Variants in CRTAC1 observed in about 807,000 individuals in gnomAD.
CRTAC1 encodes acidic secreted protein in cartilage.
A neutral mutation model predicts 67.8 loss-of-function variants in CRTAC1; 37 were observed. That is an observed-to-expected ratio of 0.55 (90% CI 0.42 to 0.72). The LOEUF is 0.72. Among genes scored for constraint, CRTAC1 ranks in the 30% least tolerant of loss-of-function variants. The pLI is 0.00. For missense variants in CRTAC1, 780 were observed against 931.6 expected, an observed-to-expected ratio of 0.84 and a Z score of 2.12; for synonymous variants, 348 against 371.0, an observed-to-expected ratio of 0.94 and a Z score of 0.71.
rs140286168 is a variant in CRTAC1, at chr10:97,968,623, T to C, written c.225-32257A>G. On this transcript the variant is annotated intron_variant, in intron 2 of 14. Transcript: ENST00000370597. ...CAGAGTCTGAGAAGGAAATAAGGAATTGACTGTCCTGAACACACAGCAAGG... is the reference window on the plus strand; with the variant it reads ...CAGAGTCTGAGAAGGAAATAAGGAACTGACTGTCCTGAACACACAGCAAGG... Among the ~76,000 whole-genome samples the C allele has an allele frequency of 8.2e-4, 125 of 152,252 alleles. 1 individual carries two copies. The highest frequency in any genetic ancestry group is 3.0e-3 in the African/African-American group (123 of 41,550).
At position 97,895,767 on chromosome 10, in the gene CRTAC1, G is replaced by T. The variant is rs947828063; in HGVS notation, c.1317+118C>A. 2 of 794,350 alleles carry T rather than the reference G, an allele frequency of 2.5e-6. No homozygotes were observed. The highest frequency in any genetic ancestry group is 1.8e-5 in the South Asian group (1 of 55,668). 49.2% of individuals were successfully genotyped at this position (794,350 alleles called of 1,614,324 possible). A position where few individuals can be genotyped will look rare whatever the true frequency, so the allele number is the denominator to read the frequency against. On this transcript the variant is annotated intron_variant, in intron 10 of 14. Coordinates refer to ENST00000370597, the MANE Select transcript of CRTAC1 (RefSeq NM_018058.7). This position sits in a 1 kb window ranked among gnomAD's most constrained non-coding sequence, Gnocchi z 4.2. ...ATTTACTTCCCTCCTCCAGGGCCCG[G>T]GACTTCCATTACCCACCATGCTGGC...
chr10:97,895,496 G>T lies in CRTAC1; in HGVS notation c.1318-83C>A. 1.6e-6 allele frequency: 2 copies of T among 1,237,116 alleles called. No homozygotes were observed. Among genetic ancestry groups the T allele is most frequent in the Non-Finnish European group, 1.1e-6 (1 of 892,532 alleles). The allele number at this position is 1,237,116 out of a possible 1,614,324, so 76.6% of individuals were successfully genotyped here. On this transcript the variant is annotated intron_variant, in intron 10 of 14. Transcript: ENST00000370597. The surrounding 1 kb of genome is among the most constrained non-coding windows in gnomAD (Gnocchi z 4.2). ...GCAGGGAGCCAGGGAGGACGGGAGGGGGAGAGGGAGAAGAAGGAGGAAGAG... is the reference window on the plus strand; with the variant it reads ...GCAGGGAGCCAGGGAGGACGGGAGGTGGAGAGGGAGAAGAAGGAGGAAGAG...
At chr10:98,008,593 T>C (rs1231255683) in intron 2 of CRTAC1, among the ~76,000 whole-genome samples, 3 of 152,086 alleles carry the variant, frequency 2.0e-5, no homozygotes, top group Admixed American at 6.6e-5. Flanking sequence ...GGAGAGGCTT[T>C]CCATGCTCTG....
At chr10:98,018,826 C>T (rs888414378) in intron 1 of CRTAC1, among the ~76,000 whole-genome samples, 2 of 152,240 alleles carry the variant, frequency 1.3e-5, no homozygotes, top group African/African-American at 4.8e-5. Flanking sequence ...AACACTGCCC[C>T]ACACAGGCTG....
intron 2 of CRTAC1, among the ~76,000 whole-genome samples, chr10:98,005,157 T>C (rs3920609): frequency 7.6e-6 from 1 of 131,184 alleles, no homozygotes; most frequent in African/African-American, 2.9e-5. Context: ...CAGGCTGAGG[T>C]GCAATGGCAT....
intron 2 of CRTAC1, among the ~76,000 whole-genome samples, chr10:97,966,235 G>A (rs1181275814): frequency 1.3e-5 from 2 of 152,098 alleles, no homozygotes; most frequent in African/African-American, 2.4e-5. Flanking sequence ...GCCACTATAC[G>A]TGGCTAATTA....
intron 13 of CRTAC1, 29 bp from the exon 14 acceptor site, chr10:97,880,421 G>T (rs1564874673): frequency 1.2e-6 from 2 of 1,606,268 alleles, no homozygotes; most frequent in South Asian, 2.2e-5. Flanking sequence ...CACTCACCAT[G>T]AAGGTGTGGG....
At chr10:97,907,839 G>C (rs1203551871) in intron 6 of CRTAC1, among the ~76,000 whole-genome samples, 174 bp downstream of exon 6, 6 of 152,156 alleles carry the variant, frequency 3.9e-5, no homozygotes, top group Admixed American at 3.9e-4. Flanking sequence ...GGAGCCAAGG[G>C]AGCTAAGGAA....
At chr10:97,923,170 G>C in intron 4 of CRTAC1, 94 bp downstream of exon 4, 1 of 1,466,552 alleles carries the variant, frequency 6.8e-7, no homozygotes, top group Non-Finnish European at 9.4e-7. Context: ...GACACCGCGG[G>C]AGACGCCACT....
At chr10:97,896,554 T>G (rs1476042740) in intron 9 of CRTAC1, among the ~76,000 whole-genome samples, 3 of 152,242 alleles carry the variant, frequency 2.0e-5, no homozygotes, top group South Asian at 2.1e-4. Flanking sequence ...AGGGGTCAGA[T>G]GGCAAGATCC....
intron 13 of CRTAC1, among the ~76,000 whole-genome samples, chr10:97,881,976 G>A (rs752318332): frequency 6.6e-6 from 1 of 152,198 alleles, no homozygotes; most frequent in Middle Eastern, 3.4e-3. Flanking sequence ...CCCCCATCTG[G>A]GCCCTGATCA....
At chr10:97,879,715 G>C in intron 14 of CRTAC1, 10 of 1,550,590 alleles carry the variant, frequency 6.4e-6, no homozygotes, top group Non-Finnish European at 8.7e-6. Flanking sequence ...CAAAGTCCAA[G>C]GCCTAGAGAA....
chr10:98,030,503 C>T lies in CRTAC1; in HGVS notation c.-31G>A. 8.0e-7 allele frequency: 1 copy of T among 1,243,290 alleles called. No homozygotes were observed. Among genetic ancestry groups the T allele is most frequent in the East Asian group, 3.2e-5 (1 of 31,586 alleles). The allele number at this position is 1,243,290 out of a possible 1,614,324, so 77.0% of individuals were successfully genotyped here. A position where few individuals can be genotyped will look rare whatever the true frequency, so the allele number is the denominator to read the frequency against. On this transcript the variant is annotated 5_prime_UTR_variant, in exon 1 of 15. Coordinates refer to ENST00000370597, the MANE Select transcript of CRTAC1 (RefSeq NM_018058.7). The surrounding 1 kb of genome is among the most constrained non-coding windows in gnomAD (Gnocchi z 4.2). ...CGCTCTCGGCCCCGCCGCCTAGGGGCGTGGGAAGCGGGCGCTCGCTGCCGC... is the reference window on the plus strand; with the variant it reads ...CGCTCTCGGCCCCGCCGCCTAGGGGTGTGGGAAGCGGGCGCTCGCTGCCGC...
intron 1 of CRTAC1, among the ~76,000 whole-genome samples, chr10:98,025,817 ATCCT>A (rs897339794): frequency 2.6e-5 from 4 of 152,202 alleles, no homozygotes; most frequent in Non-Finnish European, 5.9e-5. Context: ...CAGCAGAAAG[ATCCT>A]TCCTTAGGAA....
intron 1 of CRTAC1, among the ~76,000 whole-genome samples, chr10:98,023,433 C>T (rs1843162114): frequency 1.3e-5 from 2 of 152,234 alleles, no homozygotes; most frequent in African/African-American, 2.4e-5. Flanking sequence ...CTGAGCCCCT[C>T]CACATGCCAA....
At chr10:97,885,232 G>A (rs143985115) in intron 11 of CRTAC1, among the ~76,000 whole-genome samples, 23 of 152,294 alleles carry the variant, frequency 1.5e-4, no homozygotes, top group African/African-American at 5.5e-4. Context: ...GGGCATGGTG[G>A]CTCATGCCTG....
chr10:97,993,771 T>C (rs1202086548), intron 2 of CRTAC1, among the ~76,000 whole-genome samples: 2 of 152,250 alleles, frequency 1.3e-5, no homozygotes, highest in Non-Finnish European at 2.9e-5. Context: ...ATGAAAAAGA[T>C]AAAGTTCCTG....
At chr10:98,010,588 A>G (rs1040213193) in intron 2 of CRTAC1, among the ~76,000 whole-genome samples, 5 of 152,174 alleles carry the variant, frequency 3.3e-5, no homozygotes, top group Non-Finnish European at 7.3e-5. Context: ...GTTGGTTTTC[A>G]GGAGAGAAAG....
At chr10:97,947,962 G>T (rs2051291084) in intron 2 of CRTAC1, among the ~76,000 whole-genome samples, 1 of 152,126 alleles carries the variant, frequency 6.6e-6, no homozygotes, top group Non-Finnish European at 1.5e-5. Context: ...GGCTACTGAA[G>T]GATTCCGTGC....
Sources: allele counts gnomAD v4.1 joint callset (sites outside exome capture counted in the v4.1 genomes callset), GRCh38; gene constraint gnomAD v4.1.1; non-coding constraint Gnocchi (gnomAD v3.1); transcripts MANE v1.5; gene names NCBI Gene and HGNC (gene_info 2026-07-23, HGNC 2026-07-21).